The following HLA-DRA variants were observed in gnomAD, a reference collection of about 807,000 sequenced individuals.
HLA-DRA encodes the protein HLA class II histocompatibility antigen, DR alpha chain.
A neutral mutation model predicts 22.1 loss-of-function variants in HLA-DRA; 8 were observed. The ratio of observed to expected loss-of-function variants is 0.36; its 90% CI spans 0.21 to 0.65. The LOEUF (loss-of-function observed/expected upper bound fraction) is 0.65. Among genes scored for constraint, HLA-DRA ranks in the 30% least tolerant of loss-of-function variants. The pLI is 0.63. For missense variants in HLA-DRA, 248 were observed against 321.3 expected (o/e 0.77, Z 1.74); for synonymous variants, 101 against 117.1 (o/e 0.86, Z 0.89).
In HLA-DRA at chr6:32,443,281, T is replaced by C. The variant is rs1396386960; in HGVS notation, c.425T>C (p.Val142Ala). 1 of 1,613,016 alleles carries C rather than the reference T, an allele frequency of 6.2e-7. No individual in the cohort carries two copies. Among genetic ancestry groups the C allele is most frequent in the Non-Finnish European group, 8.5e-7 (1 of 1,179,998 alleles). ...CFIDKFTPPV[V>A]NVTWLRNGKP... The stretch of plus-strand genomic sequence containing the variant: ...ATAGACAAGTTCACCCCACCAGTGG[T>C]CAATGTCACGTGGCTTCGAAATGGA... Residue 142 changes from valine (V) to alanine (A), a missense_variant, in exon 3 of 5, where the codon GTC (valine) becomes GCC (alanine). Transcript: ENST00000395388.
chr6:32,441,140 T>C (rs3129880), intron 1 of HLA-DRA, among the ~76,000 whole-genome samples: 122,724 of 152,134 alleles, frequency 0.81, 49,706 homozygotes, highest in East Asian at 0.97. Context: ...GGGCGGATCA[T>C]GAGGTCAAGA....
At position 32,442,576 on chromosome 6, in the gene HLA-DRA, G is replaced by A. The variant is rs772228928; in HGVS notation, c.211G>A (p.Glu71Lys). 19 of 1,612,968 alleles carry A rather than the reference G, an allele frequency of 1.2e-5. No homozygotes were observed. The highest frequency in any genetic ancestry group is 1.6e-5 in the Non-Finnish European group (19 of 1,180,046). Residue 71 changes from glutamate (E) to lysine (K), a missense_variant, in exon 2 of 5, where the codon GAA (glutamate) becomes AAA (lysine). By Grantham distance (56) the Glu-to-Lys change is moderately conservative. Transcript: ENST00000395388. ...AAAGAAGGAGACGGTCTGGCGGCTT[G>A]AAGAATTTGGACGATTTGCCAGCTT... Reference protein sequence around the residue: ...MAKKETVWRLEEFGRFASFEA... With the variant: ...MAKKETVWRLKEFGRFASFEA...
In HLA-DRA at chr6:32,442,486, C is replaced by T. The variant is rs1486234672; in HGVS notation, c.121C>T (p.Pro41Ser). Residue 41 changes from proline to serine, a missense_variant, in exon 2 of 5, where the codon CCT becomes TCT. Physicochemically the swap from Pro to Ser is moderately conservative, Grantham distance 74. Coordinates refer to ENST00000395388, the MANE Select transcript of HLA-DRA (RefSeq NM_019111.5). The part of the protein sequence containing the change: ...VIIQAEFYLN[P>S]DQSGEFMFDF... ...CATCCAGGCCGAGTTCTATCTGAAT[C>T]CTGACCAATCAGGCGAGTTTATGTT... 5 of 1,612,936 alleles carry T rather than the reference C, an allele frequency of 3.1e-6. No homozygotes were observed. Among genetic ancestry groups the T allele is most frequent in the Admixed American group, 1.7e-5 (1 of 59,996 alleles).
rs752606047 is a variant in HLA-DRA, at chr6:32,443,414, C to T, written c.558C>T (p.Tyr186=). ...LPFLPSTEDV[Y]DCRVEHWGLD... ...TCCTGCCCTCAACTGAGGACGTTTA[C>T]GACTGCAGGGTGGAGCACTGGGGCT... Residue 186 remains tyrosine (Y), a synonymous_variant, in exon 3 of 5, where the codon TAC becomes TAT. Coordinates refer to ENST00000395388, the MANE Select transcript of HLA-DRA (RefSeq NM_019111.5). 41 of 1,612,830 alleles carry T rather than the reference C, an allele frequency of 2.5e-5. No individual in the cohort carries two copies. In the East Asian group the frequency reaches 6.9e-4, roughly 27 times the overall value.
intron 1 of HLA-DRA, 108 bp from the exon 2 acceptor site, chr6:32,442,340 T>C: frequency 7.6e-7 from 1 of 1,320,042 alleles, no homozygotes; most frequent in South Asian, 1.3e-5. Context: ...TTCATTCCTC[T>C]TGGCCCAATC....
chr6:32,441,413 A>G (rs1393882379), intron 1 of HLA-DRA, among the ~76,000 whole-genome samples: 1 of 89,354 alleles, frequency 1.1e-5, no homozygotes, highest in Admixed American at 1.1e-4. Context: ...AGACTAAGGA[A>G]AAAAAAAATC....
At position 32,443,924 on chromosome 6, in the gene HLA-DRA, G is replaced by A; in HGVS notation, c.*11+3G>A. 1 of 1,572,530 alleles carries A rather than the reference G, an allele frequency of 6.4e-7. No homozygotes were observed. The highest frequency in any genetic ancestry group is 8.6e-7 in the Non-Finnish European group (1 of 1,161,008). ...GGGCCTCTGTAAGGCACATGGAGGT[G>A]AGTTAGGTGTGGTCAGAGGAAGACG... On this transcript the variant is annotated splice_donor_region_variant and intron_variant, in intron 4 of 4. Coordinates refer to ENST00000395388, the MANE Select transcript of HLA-DRA (RefSeq NM_019111.5).
In HLA-DRA at chr6:32,443,829, G is replaced by A; in HGVS notation, c.684G>A (p.Leu228=). The A allele has an allele frequency of 6.2e-7, 1 of 1,612,332 alleles. No individual in the cohort carries two copies. The highest frequency in any genetic ancestry group is 8.5e-7 in the Non-Finnish European group (1 of 1,179,686). The stretch of plus-strand genomic sequence containing the variant: ...GTGCCCTGGGCCTGACTGTGGGTCT[G>A]GTGGGCATCATTATTGGGACCATCT... ...VVCALGLTVG[L]VGIIIGTIFI... The change falls in exon 4 of 5, where the codon CTG becomes CTA. Residue 228 remains leucine, a synonymous_variant. Transcript: ENST00000395388.
At chr6:32,440,235 G>A (rs3129876) in intron 1 of HLA-DRA, among the ~76,000 whole-genome samples, 39,133 of 137,446 alleles carry the variant, frequency 0.28, 5,420 homozygotes, top group Non-Finnish European at 0.3. Context: ...GGTTTAGAGG[G>A]TCAAAACTGA....
intron 1 of HLA-DRA, 56 bp from the exon 2 acceptor site, chr6:32,442,391 AT>A (rs1268851770): frequency 2.5e-6 from 4 of 1,602,548 alleles, no homozygotes; most frequent in Non-Finnish European, 3.4e-6. Flanking sequence ...TAGGTTATTC[AT>A]TTCCCTCTCT....
In HLA-DRA at chr6:32,441,637, G is replaced by A. The variant is rs116100974; in HGVS notation, c.83-811G>A. 5.3e-5 allele frequency among the ~76,000 whole-genome samples: 8 copies of A among 152,320 alleles called. No homozygotes were observed. In the East Asian group the frequency reaches 7.7e-4, roughly 15 times the overall value. On this transcript the variant is annotated intron_variant, in intron 1 of 4. Coordinates refer to ENST00000395388, the MANE Select transcript of HLA-DRA (RefSeq NM_019111.5). The stretch of plus-strand genomic sequence containing the variant: ...GAACCTTCTCATAGAGGTAACCACC[G>A]TGTGGGTTTGGATGCTGGGAAGCAG...
intron 1 of HLA-DRA, among the ~76,000 whole-genome samples, chr6:32,441,594 C>T (rs1762625115): frequency 6.6e-6 from 1 of 152,156 alleles, no homozygotes. Flanking sequence ...GTGGAATTGC[C>T]AAGGTCAATC....
At chr6:32,443,595 TTCC>T in intron 3 of HLA-DRA, 129 bp downstream of exon 3, 3 of 1,133,018 alleles carry the variant, frequency 2.6e-6, no homozygotes, top group African/African-American at 1.6e-5. Flanking sequence ...ACTATCCAGC[TTCC>T]TCCTTTTTTT....
chr6:32,440,804 G>A (rs968641210), intron 1 of HLA-DRA, among the ~76,000 whole-genome samples: 6 of 152,204 alleles, frequency 3.9e-5, no homozygotes, highest in African/African-American at 1.2e-4. Flanking sequence ...CTGTAGAAAA[G>A]TATTCTTCAC....
intron 2 of HLA-DRA, 125 bp from the exon 3 acceptor site, chr6:32,443,060 T>C: frequency 1.2e-6 from 1 of 856,286 alleles, no homozygotes; most frequent in Non-Finnish European, 1.8e-6. Context: ...CAGGGCACAA[T>C]TTCAACTACT....
chr6:32,443,869 T>G lies in HLA-DRA; in HGVS notation c.724T>G (p.Leu242Val), dbSNP rs7192. ...TGGGACCATCTTCATCATCAAGGGA[T>G]TGCGCAAAAGCAATGCAGCAGAACG... The part of the protein sequence containing the change: ...IIGTIFIIKG[L>V]RKSNAAERRG... The change falls in exon 4 of 5, where the codon TTG becomes GTG. Residue 242 changes from leucine (L) to valine (V), a missense_variant. Leu to Val is a conservative substitution (Grantham distance 32). Transcript: ENST00000395388. The G allele has an allele frequency of 0.62, 994,077 of 1,608,860 alleles. 310,908 individuals carry two copies. The highest frequency in any genetic ancestry group is 0.77 in the South Asian group (69,234 of 90,350).
Position 32,443,473 on chromosome 6 carries a change from A to G in HLA-DRA, c.610+7A>G, listed in dbSNP as rs1299121540. On this transcript the variant is annotated splice_region_variant and intron_variant, in intron 3 of 4. Transcript: ENST00000395388. ...CCTCTTCTCAAGCACTGGGGTATGG[A>G]CCAACACTCAATCTCCTTTATTTCA... 1 of 1,608,906 alleles carries G rather than the reference A, an allele frequency of 6.2e-7. No homozygotes were observed. Among genetic ancestry groups the G allele is most frequent in the Non-Finnish European group, 8.5e-7 (1 of 1,176,582 alleles).
At chr6:32,443,675 T>C (rs778808460) in intron 3 of HLA-DRA, 81 bp from the exon 4 acceptor site, 2 of 1,358,222 alleles carry the variant, frequency 1.5e-6, no homozygotes, top group Admixed American at 2.3e-5. Flanking sequence ...ACTTTTCTCT[T>C]TATTAAGAAC....
At chr6:32,441,282 C>T (rs542730417) in intron 1 of HLA-DRA, among the ~76,000 whole-genome samples, 90 of 152,208 alleles carry the variant, frequency 5.9e-4, no homozygotes, top group South Asian at 1.2e-3. Flanking sequence ...TGCTTGAACT[C>T]GGGAGGCGGA....
Sources: gnomAD v4.1 joint callset for allele counts (sites outside exome capture counted in the v4.1 genomes callset) on GRCh38, gnomAD v4.1.1 for gene constraint, MANE v1.5 for transcripts, NCBI Gene and HGNC (gene_info 2026-07-23, HGNC 2026-07-21) for gene names.